Variants in MBNL1 observed in about 807,000 individuals in gnomAD.
MBNL1 encodes muscleblind like splicing regulator 1.
MBNL1 carries 8 observed loss-of-function variants against 42.2 expected under a neutral mutation model. The ratio of observed to expected loss-of-function variants is 0.19; its 90% CI spans 0.11 to 0.34. The LOEUF (loss-of-function observed/expected upper bound fraction) is 0.34. Ranked by LOEUF, MBNL1 falls within the 10% of genes least tolerant of loss-of-function variation. The pLI is 1.00. For synonymous variants in MBNL1, 169 were observed against 173.9 expected (o/e 0.97, Z 0.22); for missense variants, 309 against 495.3 (o/e 0.62, Z 3.57).
At chr3:152,442,734 G>A (rs1180964325) in intron 4 of MBNL1, among the ~76,000 whole-genome samples, 5 of 152,132 alleles carry the variant, frequency 3.3e-5, no homozygotes, top group African/African-American at 1.2e-4. Flanking sequence ...TGTCTATTAG[G>A]GAAAATGTGT....
At chr3:152,390,999 TGTTCTCTA>T (rs2097693430) in intron 2 of MBNL1, among the ~76,000 whole-genome samples, 1 of 152,224 alleles carries the variant, frequency 6.6e-6, no homozygotes, top group South Asian at 2.1e-4. Context: ...ACTCTACCTG[TGTTCTCTA>T]GGTGCTAGGT....
upstream of MBNL1, chr3:152,265,536 C>A (rs1024208033): frequency 6.6e-6 from 1 of 151,998 alleles, no homozygotes; most frequent in African/African-American, 2.4e-5. Context: ...TACATAGGTA[C>A]CTTAAATATC....
At chr3:152,301,119 A>G (rs1318729947) in intron 2 of MBNL1, 8 of 157,580 alleles carry the variant, frequency 5.1e-5, no homozygotes, top group Non-Finnish European at 9.6e-5. Flanking sequence ...TAGAAATGTT[A>G]AAAGTTAGCT....
intron 4 of MBNL1, among the ~76,000 whole-genome samples, chr3:152,437,125 A>G (rs902441154): frequency 6.6e-6 from 1 of 152,230 alleles, no homozygotes; most frequent in African/African-American, 2.4e-5. Flanking sequence ...ATGTTTGGTC[A>G]TTTGGCATTT....
At chr3:152,287,689 G>A (rs563383485) in intron 1 of MBNL1, among the ~76,000 whole-genome samples, 8 of 152,210 alleles carry the variant, frequency 5.3e-5, no homozygotes, top group African/African-American at 9.6e-5. Context: ...AAATGTTGCC[G>A]TTAATAAACA....
At position 152,390,076 on chromosome 3, in the gene MBNL1, G is replaced by T. The variant is rs887846966; in HGVS notation, c.175-24865G>T. Reference sequence around the variant, plus strand: ...GTAGAGACGGGGTTTCACCATATTGGCCAGGCTGGTCTCGAACTCCTGACC... The same window carrying T: ...GTAGAGACGGGGTTTCACCATATTGTCCAGGCTGGTCTCGAACTCCTGACC... On this transcript the variant is annotated intron_variant, in intron 2 of 9. Coordinates refer to ENST00000324210, the MANE Select transcript of MBNL1 (RefSeq NM_021038.5). Among the ~76,000 whole-genome samples, 5 of 151,070 alleles carry T rather than the reference G, an allele frequency of 3.3e-5. No homozygotes were observed. In the South Asian group the frequency reaches 1.0e-3, roughly 32 times the overall value.
At chr3:152,412,551 G>A (rs2098606902) in intron 2 of MBNL1, among the ~76,000 whole-genome samples, 1 of 152,154 alleles carries the variant, frequency 6.6e-6, no homozygotes, top group Non-Finnish European at 1.5e-5. Flanking sequence ...GATAAAAAAT[G>A]TAGGAGAACA....
chr3:152,376,823 C>CACACATACATAT (rs1358149040), intron 2 of MBNL1, among the ~76,000 whole-genome samples: 1 of 152,224 alleles, frequency 6.6e-6, no homozygotes, highest in African/African-American at 2.4e-5. Context: ...CACATACACA[C>CACACATACATAT]ACACATACAT....
intron 2 of MBNL1, among the ~76,000 whole-genome samples, chr3:152,413,590 GGAGCCAA>G (rs1407530157): frequency 6.6e-6 from 1 of 152,068 alleles, no homozygotes; most frequent in African/African-American, 2.4e-5. Flanking sequence ...TCATACAAAA[GGAGCCAA>G]AACCGATCAT....
chr3:152,363,010 C>T (rs774891599), intron 2 of MBNL1, among the ~76,000 whole-genome samples: 2 of 151,946 alleles, frequency 1.3e-5, no homozygotes, highest in Middle Eastern at 3.4e-3. Context: ...TTAAGATAGG[C>T]AGGAAACTAA....
chr3:152,289,329 T>C (rs1283397916), intron 1 of MBNL1, among the ~76,000 whole-genome samples: 1 of 152,132 alleles, frequency 6.6e-6, no homozygotes, highest in East Asian at 1.9e-4. Flanking sequence ...GAAAGATCAT[T>C]AATATATTTT....
intron 1 of MBNL1, among the ~76,000 whole-genome samples, chr3:152,282,323 G>A (rs1178370499): frequency 6.6e-6 from 1 of 151,978 alleles, no homozygotes; most frequent in Admixed American, 6.6e-5. Context: ...TTACCTTTAA[G>A]TACCAAGAAT....
At chr3:152,282,408 A>T (rs2049024426) in intron 1 of MBNL1, among the ~76,000 whole-genome samples, 1 of 152,118 alleles carries the variant, frequency 6.6e-6, no homozygotes, top group Non-Finnish European at 1.5e-5. Context: ...TGGCAAGAAA[A>T]TTAAGCACCT....
intron 2 of MBNL1, among the ~76,000 whole-genome samples, chr3:152,404,577 AT>A (rs2098367209): frequency 6.6e-6 from 1 of 151,834 alleles, no homozygotes; most frequent in Non-Finnish European, 1.5e-5. Flanking sequence ...TTCCTCTCTG[AT>A]TTCCTTTAGT....
chr3:152,409,007 G>C (rs1411568946), intron 2 of MBNL1, among the ~76,000 whole-genome samples: 1 of 152,006 alleles, frequency 6.6e-6, no homozygotes, highest in Non-Finnish European at 1.5e-5. Context: ...AGTCCTTTAC[G>C]GAAACAAGTG....
chr3:152,358,433 G>C (rs1206320253), intron 2 of MBNL1, among the ~76,000 whole-genome samples: 1 of 152,036 alleles, frequency 6.6e-6, no homozygotes, highest in Non-Finnish European at 1.5e-5. Flanking sequence ...AATGATAAGT[G>C]ACTCATTAGG....
At chr3:152,292,767 A>T (rs2151079952) in intron 1 of MBNL1, among the ~76,000 whole-genome samples, 1 of 151,432 alleles carries the variant, frequency 6.6e-6, no homozygotes, top group South Asian at 2.1e-4. Flanking sequence ...AATTTATTTA[A>T]TTAATACTTT....
At position 152,368,607 on chromosome 3, in the gene MBNL1, A is replaced by G. The variant is rs777365381; in HGVS notation, c.175-46334A>G. 5.9e-5 allele frequency among the ~76,000 whole-genome samples: 9 copies of G among 152,128 alleles called. No homozygotes were observed. The East Asian group carries it at 1.7e-3, about 29-fold the overall frequency. On this transcript the variant is annotated intron_variant, in intron 2 of 9. Coordinates refer to ENST00000324210, the MANE Select transcript of MBNL1 (RefSeq NM_021038.5). Reference sequence around the variant, plus strand: ...GAATCTATGAATTACTTTGGACAGTATGGCCATTTTCATGATATTGATTCT... The same window carrying G: ...GAATCTATGAATTACTTTGGACAGTGTGGCCATTTTCATGATATTGATTCT...
chr3:152,405,697 A>C (rs2098409953), intron 2 of MBNL1, among the ~76,000 whole-genome samples: 1 of 152,188 alleles, frequency 6.6e-6, no homozygotes, highest in Non-Finnish European at 1.5e-5. Flanking sequence ...AAAGCTCTAG[A>C]AATTTAATAG....
Sources: allele counts gnomAD v4.1 joint callset (sites outside exome capture counted in the v4.1 genomes callset), GRCh38; gene constraint gnomAD v4.1.1; transcripts MANE v1.5; gene names NCBI Gene and HGNC (gene_info 2026-07-23, HGNC 2026-07-21).